The following ARHGAP28 variants were observed in gnomAD, a reference collection of about 807,000 sequenced individuals.
The protein encoded by ARHGAP28 is rho GTPase-activating protein 28.
A neutral mutation model predicts 90.7 loss-of-function variants in ARHGAP28; 56 were observed. That is an observed-to-expected ratio of 0.62 (90% CI 0.50 to 0.77). The LOEUF is 0.77. Among genes scored for constraint, ARHGAP28 ranks in the 30% least tolerant of loss-of-function variants. ARHGAP28 has a pLI of 0.00. For synonymous variants in ARHGAP28, 308 were observed against 323.3 expected (o/e 0.95, Z 0.51); for missense variants, 869 against 900.9 (o/e 0.96, Z 0.45).
At chr18:6,827,310 C>CA (rs1555629854) in intron 2 of ARHGAP28, among the ~76,000 whole-genome samples, 1 of 145,748 alleles carries the variant, frequency 6.9e-6, no homozygotes, top group Non-Finnish European at 1.5e-5. Flanking sequence ...GCTGGCCGGG[C>CA]GGGGGGCTGA....
chr18:6,886,074 T>A (rs895400165), intron 11 of ARHGAP28, among the ~76,000 whole-genome samples: 3 of 152,182 alleles, frequency 2.0e-5, no homozygotes, highest in African/African-American at 7.2e-5. Context: ...CCCATATTGC[T>A]TGGTTGTATA....
At chr18:6,890,236 G>A in intron 13 of ARHGAP28, 151 bp downstream of exon 13, 1 of 909,252 alleles carries the variant, frequency 1.1e-6, no homozygotes, top group South Asian at 1.7e-5. Context: ...CTTCTGGAAG[G>A]GCTGCTCTTC....
intron 1 of ARHGAP28, among the ~76,000 whole-genome samples, chr18:6,794,643 T>C (rs1305418435): frequency 1.3e-5 from 2 of 152,246 alleles, no homozygotes; most frequent in Non-Finnish European, 2.9e-5. Flanking sequence ...GTTTGTTCAA[T>C]AGATCTTGAG....
chr18:6,765,800 T>C (rs1417172637), intron 1 of ARHGAP28, among the ~76,000 whole-genome samples: 1 of 152,162 alleles, frequency 6.6e-6, no homozygotes, highest in Non-Finnish European at 1.5e-5. Context: ...CCATATATAT[T>C]GGTTTGTTGT....
chr18:6,730,219 G>GTATATATACATATATA, intron 1 of ARHGAP28: 1 of 157,428 alleles, frequency 6.4e-6, no homozygotes, highest in Admixed American at 8.0e-5. Flanking sequence ...GATAAGTCAT[G>GTATATATACATATATA]TGTATATATA....
intron 1 of ARHGAP28, among the ~76,000 whole-genome samples, chr18:6,813,491 C>T (rs12327364): frequency 0.11 from 16,916 of 152,126 alleles, 2,661 homozygotes; most frequent in African/African-American, 0.35. Flanking sequence ...TAATTATGCA[C>T]ATAGCTCTCT....
intron 1 of ARHGAP28, among the ~76,000 whole-genome samples, chr18:6,813,575 A>G (rs764961381): frequency 6.6e-6 from 1 of 152,186 alleles, no homozygotes. Context: ...ACTCAATTTG[A>G]TAACTTATTT....
In ARHGAP28 at chr18:6,914,945, A is replaced by T. The variant is rs931537305; in HGVS notation, c.*2791A>T. The T allele has an allele frequency of 1.3e-5, 2 of 152,630 alleles. No individual in the cohort carries two copies. The highest frequency in any genetic ancestry group is 2.9e-5 in the Non-Finnish European group (2 of 68,054). 9.5% of individuals were successfully genotyped at this position (152,630 alleles called of 1,614,324 possible). A position where few individuals can be genotyped will look rare whatever the true frequency, so the allele number is the denominator to read the frequency against. ...TATCAACTATTTACAACGTCTATAC[A>T]GTATAAACTACCTCACTTGCCTTTC... On this transcript the variant is annotated 3_prime_UTR_variant, in exon 18 of 18. Transcript: ENST00000383472.
chr18:6,851,757 G>T (rs1005621993), intron 4 of ARHGAP28, among the ~76,000 whole-genome samples: 1 of 152,178 alleles, frequency 6.6e-6, no homozygotes, highest in East Asian at 1.9e-4. Context: ...AACACAGATG[G>T]ATCTCAAAAT....
rs184491870 is a variant in ARHGAP28, at chr18:6,799,656, T to C, written c.123-25106T>C. 9.8e-5 allele frequency among the ~76,000 whole-genome samples: 15 copies of C among 152,298 alleles called. No homozygotes were observed. The East Asian group carries it at 2.9e-3, about 29-fold the overall frequency. On this transcript the variant is annotated intron_variant, in intron 1 of 17. Coordinates refer to ENST00000383472, the MANE Select transcript of ARHGAP28 (RefSeq NM_001366230.1). ...AAAGGATTCCCTGTTTAATAAATGGTGTTGGGAAAACTAGCCAGCCATATG... is the reference window on the plus strand; with the variant it reads ...AAAGGATTCCCTGTTTAATAAATGGCGTTGGGAAAACTAGCCAGCCATATG...
intron 1 of ARHGAP28, among the ~76,000 whole-genome samples, chr18:6,778,246 G>C (rs895019181): frequency 6.6e-6 from 1 of 152,172 alleles, no homozygotes; most frequent in Non-Finnish European, 1.5e-5. Context: ...AATTAGTGCA[G>C]AGATGGATCC....
intron 4 of ARHGAP28, among the ~76,000 whole-genome samples, chr18:6,858,890 G>T (rs1296515930): frequency 6.6e-6 from 1 of 150,894 alleles, no homozygotes; most frequent in Non-Finnish European, 1.5e-5. Context: ...AAAGATCTTT[G>T]TTCATTTTGT....
At position 6,882,177 on chromosome 18, in the gene ARHGAP28, A is replaced by C; in HGVS notation, c.1331A>C (p.Lys444Thr). The change falls in exon 11 of 18, where the codon AAA (lysine) becomes ACA (threonine). Residue 444 changes from lysine (K) to threonine (T), a missense_variant. Lys to Thr is a moderately conservative substitution (Grantham distance 78, BLOSUM62 -1). Coordinates refer to ENST00000383472, the MANE Select transcript of ARHGAP28 (RefSeq NM_001366230.1). ...EELDAKFNAD[K>T]FKWDKMCHRE... is the part of the protein sequence containing the mutation. ...CTTGATGCCAAGTTTAATGCTGATA[A>C]ATTTAAATGGGACAAAATGTGCCAT... 2.5e-6 allele frequency: 4 copies of C among 1,613,964 alleles called. No individual in the cohort carries two copies. The highest frequency in any genetic ancestry group is 3.4e-6 in the Non-Finnish European group (4 of 1,179,950).
chr18:6,795,343 G>C (rs1179877347), intron 1 of ARHGAP28, among the ~76,000 whole-genome samples: 2 of 152,062 alleles, frequency 1.3e-5, no homozygotes, highest in Non-Finnish European at 2.9e-5. Context: ...CGAGATGGGA[G>C]GATATTCTAA....
chr18:6,807,273 T>C (rs1246971440), intron 1 of ARHGAP28, among the ~76,000 whole-genome samples: 1 of 152,218 alleles, frequency 6.6e-6, no homozygotes, highest in African/African-American at 2.4e-5. Flanking sequence ...TGTCTACTAA[T>C]TCTGTCACCT....
chr18:6,878,316 A>G, intron 10 of ARHGAP28, among the ~76,000 whole-genome samples: 1 of 124,926 alleles, frequency 8.0e-6, no homozygotes, highest in African/African-American at 3.1e-5. Context: ...GGACACAGGA[A>G]GGGGAACATC....
At chr18:6,788,756 C>A (rs142150957) in intron 1 of ARHGAP28, 1 of 152,514 alleles carries the variant, frequency 6.6e-6, no homozygotes, top group African/African-American at 2.4e-5. Context: ...TGAGCCACCA[C>A]GCCCGGCCAG....
At chr18:6,905,563 A>G (rs1450222215) in intron 16 of ARHGAP28, among the ~76,000 whole-genome samples, 3 of 152,218 alleles carry the variant, frequency 2.0e-5, no homozygotes, top group Non-Finnish European at 4.4e-5. Flanking sequence ...AGTAAGGGAA[A>G]GAAAAGAAAT....
intron 11 of ARHGAP28, among the ~76,000 whole-genome samples, chr18:6,885,955 A>G (rs1251096243): frequency 1.3e-5 from 2 of 152,202 alleles, no homozygotes; most frequent in Non-Finnish European, 2.9e-5. Flanking sequence ...AGCAATGTGT[A>G]TTTGCTCTTT....
Sources: gnomAD v4.1 joint callset for allele counts (sites outside exome capture counted in the v4.1 genomes callset) on GRCh38, gnomAD v4.1.1 for gene constraint, MANE v1.5 for transcripts, NCBI Gene and HGNC (gene_info 2026-07-23, HGNC 2026-07-21) for gene names.